COL6A3: variants seen among roughly 807,000 people sequenced by gnomAD.
The protein encoded by COL6A3 is collagen type VI alpha 3 chain, also known as collagen alpha-3(VI) chain.
In COL6A3, 137 loss-of-function variants were observed where a neutral mutation model predicts 274.1. That is an observed-to-expected ratio of 0.50 (90% CI 0.44 to 0.58). The LOEUF is 0.58. Ranked by LOEUF, COL6A3 falls within the 20% of genes least tolerant of loss-of-function variation. The probability of loss-of-function intolerance (pLI) is 0.00; values close to 1 mark genes in which losing one functional copy is unlikely to be tolerated. For missense variants in COL6A3, 3,950 were observed against 4,124.9 expected (o/e 0.96, Z 1.16); for synonymous variants, 1,650 against 1,650.6 (o/e 1.00, Z 0.01).
intron 36 of COL6A3, chr2:237,342,953 G>C (rs1266090356): frequency 6.6e-6 from 1 of 152,262 alleles, no homozygotes; most frequent in Non-Finnish European, 1.5e-5. Context: ...ACAGGCTGTG[G>C]TAAAAGCATA....
In COL6A3 at chr2:237,364,177, A is replaced by G. The variant is rs1261399184; in HGVS notation, c.5917+173T>C. On this transcript the variant is annotated intron_variant, in intron 13 of 43. Coordinates refer to ENST00000295550, the MANE Select transcript of COL6A3 (RefSeq NM_004369.4). The surrounding 1 kb of genome is among the most constrained non-coding windows in gnomAD (Gnocchi z 4.6). ...TACAGAAGGAATTTTTGTTAGCTCC[A>G]TCCCACAGCTCCAAGCAGGTGATGA... Among the ~76,000 whole-genome samples, 5 of 152,212 alleles carry G rather than the reference A, an allele frequency of 3.3e-5. No individual in the cohort carries two copies. Among genetic ancestry groups the G allele is most frequent in the African/African-American group, 9.6e-5 (4 of 41,452 alleles).
At chr2:237,387,345 C>T (rs1175300255) in intron 4 of COL6A3, among the ~76,000 whole-genome samples, 1 of 152,176 alleles carries the variant, frequency 6.6e-6, no homozygotes, top group Admixed American at 6.5e-5. Flanking sequence ...TAAAAGCACG[C>T]TTTCTCAGCA....
rs553247373 is a variant in COL6A3, at chr2:237,346,659, C to G, written c.7030-94G>C. On this transcript the variant is annotated intron_variant, in intron 31 of 43. Coordinates refer to ENST00000295550, the MANE Select transcript of COL6A3 (RefSeq NM_004369.4). Reference sequence around the variant, plus strand: ...GAAGGTACGGTAAAAGTGATCTAACCCAAGGGACTCCATCACCACGAAAAA... The same window carrying G: ...GAAGGTACGGTAAAAGTGATCTAACGCAAGGGACTCCATCACCACGAAAAA... 94 of 1,082,366 alleles carry G rather than the reference C, an allele frequency of 8.7e-5. 2 individuals carry two copies. Among genetic ancestry groups the G allele is most frequent in the South Asian group, 8.5e-4 (66 of 77,658 alleles). The allele number at this position is 1,082,366 out of a possible 1,614,324, so 67.0% of individuals were successfully genotyped here.
rs776493521 is a variant in COL6A3, at chr2:237,357,835, G to A, written c.6519C>T (p.Thr2173=). 2.4e-5 allele frequency: 39 copies of A among 1,614,004 alleles called. No homozygotes were observed. Among genetic ancestry groups the A allele is most frequent in the Middle Eastern group, 1.7e-4 (1 of 6,060 alleles). ...DSQERGPKGE[T]GDLGPMGVPG... Reference sequence around the variant, plus strand: ...ACCTTACCATGGGGCCGAGGTCACCGGTTTCTCCTTTGGGTCCTCTCTCCT... The same window carrying A: ...ACCTTACCATGGGGCCGAGGTCACCAGTTTCTCCTTTGGGTCCTCTCTCCT... Residue 2173 remains threonine, a synonymous_variant, in exon 22 of 44, where the codon ACC becomes ACT. Transcript: ENST00000295550.
chr2:237,326,800 T>C (rs545735741), intron 42 of COL6A3: 77 of 152,318 alleles, frequency 5.1e-4, no homozygotes, highest in African/African-American at 1.7e-3. Context: ...TTCAGATAGA[T>C]ACCAAAAAGG....
rs10929232 is a variant in COL6A3, at chr2:237,413,033, C to T, written c.-31+920G>A. On this transcript the variant is annotated intron_variant, in intron 1 of 43. Coordinates refer to ENST00000295550, the MANE Select transcript of COL6A3 (RefSeq NM_004369.4). The surrounding 1 kb of genome is among the most constrained non-coding windows in gnomAD (Gnocchi z 4.0). Reference sequence around the variant, plus strand: ...CATACTTCAATACCCGTTCATTATCCAACATAGTAGGCCCCTTGAAACAGG... The same window carrying T: ...CATACTTCAATACCCGTTCATTATCTAACATAGTAGGCCCCTTGAAACAGG... Among the ~76,000 whole-genome samples the T allele has an allele frequency of 0.86, 130,211 of 152,194 alleles. 55,826 individuals carry two copies. Among genetic ancestry groups the T allele is most frequent in the East Asian group, 0.98 (5,081 of 5,166 alleles).
rs752266639 is a variant in COL6A3 at position 237,368,562 on chromosome 2, C to G, written c.4900+1G>C. 1 of 1,614,028 alleles carries G rather than the reference C, an allele frequency of 6.2e-7. No homozygotes were observed. The highest frequency in any genetic ancestry group is 1.7e-5 in the Admixed American group (1 of 60,020). ...GTAGTCATGGGTCACACGGTGCATA[C>G]CTGGCCGTGAAGGAGGAGGGGTGTC... On this transcript the variant is annotated splice_donor_variant, in intron 10 of 43. Transcript: ENST00000295550. LOFTEE classifies it high-confidence loss of function. This position sits in a 1 kb window ranked among gnomAD's most constrained non-coding sequence, Gnocchi z 4.4.
intron 2 of COL6A3, 30 bp downstream of exon 2, chr2:237,396,697 T>C (rs753550307): frequency 1.2e-6 from 2 of 1,605,780 alleles, no homozygotes; most frequent in Non-Finnish European, 1.7e-6. Flanking sequence ...TATTCCTTTT[T>C]ACAAAATCAA....
chr2:237,396,750 G>A lies in COL6A3; in HGVS notation c.68C>T (p.Thr23Ile), dbSNP rs1314859774. The change falls in exon 2 of 44, where the codon ACT becomes ATT. Residue 23 changes from threonine to isoleucine, a missense_variant. Physicochemically the swap from Thr to Ile is moderately conservative, Grantham distance 89 (BLOSUM62 -1). Coordinates refer to ENST00000295550, the MANE Select transcript of COL6A3 (RefSeq NM_004369.4). ...FCLFLSGFPTTHAQQQQADVK... is the reference protein window; with the variant it reads ...FCLFLSGFPTIHAQQQQADVK... ...ACCTGCTTGCTGCTGCTGGGCATGA[G>A]TTGTAGGAAAGCCTGAGAGAAAGAG... 2.5e-6 allele frequency: 4 copies of A among 1,614,162 alleles called. No homozygotes were observed. The highest frequency in any genetic ancestry group is 2.2e-5 in the South Asian group (2 of 91,082).
chr2:237,327,033 C>G (rs1163330066), intron 42 of COL6A3: 1 of 152,178 alleles, frequency 6.6e-6, no homozygotes, highest in Non-Finnish European at 1.5e-5. Flanking sequence ...CCACGAGAGC[C>G]TTTGAAGACT....
chr2:237,353,441 G>A, intron 24 of COL6A3, 38 bp from the exon 25 acceptor site: 1 of 1,580,746 alleles, frequency 6.3e-7, no homozygotes, highest in Non-Finnish European at 8.7e-7. Flanking sequence ...GAGTCAGGAT[G>A]GTTCCTGTCA....
chr2:237,359,554 G>A (rs188496908), intron 17 of COL6A3, among the ~76,000 whole-genome samples, 166 bp from the exon 18 acceptor site: 5 of 152,324 alleles, frequency 3.3e-5, no homozygotes, highest in East Asian at 1.9e-4. Context: ...TCACCACCAC[G>A]TGCGATGTTT....
In COL6A3 at chr2:237,371,639, T is replaced by C. The variant is rs1225442798; in HGVS notation, c.4285+93A>G. The C allele has an allele frequency of 6.0e-6, 9 of 1,512,480 alleles. No individual in the cohort carries two copies. Among genetic ancestry groups the C allele is most frequent in the Non-Finnish European group, 7.9e-6 (9 of 1,135,252 alleles). 93.7% of individuals were successfully genotyped at this position (1,512,480 alleles called of 1,614,324 possible). ...AGGTAAGGGCATACAACCTTTATTT[T>C]AATTTAATTTATTATGAGTACCATG... On this transcript the variant is annotated intron_variant, in intron 9 of 43. Transcript: ENST00000295550. This position sits in a 1 kb window ranked among gnomAD's most constrained non-coding sequence, Gnocchi z 4.3.
In COL6A3 at chr2:237,344,677, C is replaced by T; in HGVS notation, c.7341G>A (p.Val2447=). Residue 2447 remains valine, a synonymous_variant, in exon 36 of 44, where the codon GTG becomes GTA. Transcript: ENST00000295550. The surrounding 1 kb of genome is among the most constrained non-coding windows in gnomAD (Gnocchi z 4.8). ...SNCPRGARVA[V]VTYNNEVTTE... ...TGGTCACCTCGTTGTTGTAGGTGAC[C>T]ACAGCCACCCGGGCCCCCCGTGGGC... is the stretch of plus-strand genomic sequence containing the variant. 1 of 1,611,300 alleles carries T rather than the reference C, an allele frequency of 6.2e-7. No homozygotes were observed. The highest frequency in any genetic ancestry group is 8.5e-7 in the Non-Finnish European group (1 of 1,178,046).
In COL6A3 at chr2:237,334,895, A is replaced by G. The variant is rs756239147; in HGVS notation, c.8966-6T>C. The G allele has an allele frequency of 5.6e-6, 9 of 1,614,040 alleles. No individual in the cohort carries two copies. The Middle Eastern group carries it at 9.9e-4, about 177-fold the overall frequency. ...GACTTCACGGGACATCTTAACTGAA[A>G]GATAGATCAGAGCGTGAAGATAAAA... On this transcript the variant is annotated splice_region_variant and splice_polypyrimidine_tract_variant and intron_variant, in intron 40 of 43. Transcript: ENST00000295550.
chr2:237,340,513 G>A lies in COL6A3; in HGVS notation c.8403C>T (p.Ser2801=). 3 of 1,614,150 alleles carry A rather than the reference G, an allele frequency of 1.9e-6. No homozygotes were observed. The highest frequency in any genetic ancestry group is 2.5e-6 in the Non-Finnish European group (3 of 1,180,050). Residue 2801 remains serine, a synonymous_variant, in exon 38 of 44, where the codon TCC becomes TCT. Transcript: ENST00000295550. ...NDVFFKLVDK[S]TELNEEPLMR... Reference sequence around the variant, plus strand: ...TCAAAGGCTCCTCGTTGAGCTCGGTGGACTTGTCCACTAATTTGAAGAAGA... The same window carrying A: ...TCAAAGGCTCCTCGTTGAGCTCGGTAGACTTGTCCACTAATTTGAAGAAGA...
At chr2:237,383,599 TA>T (rs982394197) in intron 4 of COL6A3, among the ~76,000 whole-genome samples, 1 of 152,084 alleles carries the variant, frequency 6.6e-6, no homozygotes, top group African/African-American at 2.4e-5. Flanking sequence ...ACCATGAATC[TA>T]CCACTCATGT....
In COL6A3 at chr2:237,368,280, A is replaced by T. The variant is rs1270413846; in HGVS notation, c.4900+283T>A. ...GGGCATGGACTGGCTGATTTCAAAG[A>T]TGCCATCCTATTCTGAGAGCCAATG... On this transcript the variant is annotated intron_variant, in intron 10 of 43. Coordinates refer to ENST00000295550, the MANE Select transcript of COL6A3 (RefSeq NM_004369.4). This position sits in a 1 kb window ranked among gnomAD's most constrained non-coding sequence, Gnocchi z 4.4. Among the ~76,000 whole-genome samples the T allele has an allele frequency of 6.6e-6, 1 of 152,238 alleles. No homozygotes were observed. Among genetic ancestry groups the T allele is most frequent in the Admixed American group, 6.5e-5 (1 of 15,280 alleles).
Position 237,375,018 on chromosome 2 carries a change from A to T in COL6A3, c.3073T>A (p.Ser1025Thr). Residue 1025 changes from serine (S) to threonine (T), a missense_variant and splice_region_variant, in exon 8 of 44, where the codon TCA becomes ACA. By Grantham distance (58) the Ser-to-Thr change is moderately conservative. Around this residue, in one of 5 missense-constraint regions of COL6A3, gnomAD observed 1,934 missense variants for 1,984.3 expected, o/e 0.97. Transcript: ENST00000295550. ...SVHNGAPAPV[S>T]GEKDVVFLLD... Reference sequence around the variant, plus strand: ...AGAAACACCACGTCCTTTTCACCTGAAACTGGGAGGAGGACAGCCTGGTAA... The same window carrying T: ...AGAAACACCACGTCCTTTTCACCTGTAACTGGGAGGAGGACAGCCTGGTAA... The T allele has an allele frequency of 6.2e-7, 1 of 1,613,560 alleles. No individual in the cohort carries two copies. Among genetic ancestry groups the T allele is most frequent in the Non-Finnish European group, 8.5e-7 (1 of 1,180,020 alleles).
Sources: gnomAD v4.1 joint callset for allele counts (sites outside exome capture counted in the v4.1 genomes callset) on GRCh38, gnomAD v4.1.1 for gene constraint, gnomAD v4.1.1 regional missense constraint, Gnocchi (gnomAD v3.1) non-coding constraint, MANE v1.5 for transcripts, NCBI Gene and HGNC (gene_info 2026-07-23, HGNC 2026-07-21) for gene names.